PRRC2B: variants seen among roughly 807,000 people sequenced by gnomAD.
The protein encoded by PRRC2B is proline rich coiled-coil 2B, also known as protein PRRC2B.
A neutral mutation model predicts 242.3 loss-of-function variants in PRRC2B; 68 were observed. That is an observed-to-expected ratio of 0.28 (90% CI 0.23 to 0.34). PRRC2B has a LOEUF of 0.34. PRRC2B is among the 10% of genes least tolerant of loss of function. The pLI is 1.00. For synonymous variants in PRRC2B, 1,228 were observed against 1,173.6 expected (o/e 1.05, Z -0.95); for missense variants, 2,835 against 2,954.8 (o/e 0.96, Z 0.94).
At chr9:131,481,953 G>C in intron 20 of PRRC2B, 145 bp downstream of exon 20, 1 of 748,162 alleles carries the variant, frequency 1.3e-6, no homozygotes, top group African/African-American at 1.7e-5. Flanking sequence ...ATGGGGCCAA[G>C]CTCATCAGTG....
chr9:131,474,778 C>T lies in PRRC2B; in HGVS notation c.2649C>T (p.Ala883=). 1 of 1,612,746 alleles carries T rather than the reference C, an allele frequency of 6.2e-7. No individual in the cohort carries two copies. Among genetic ancestry groups the T allele is most frequent in the Non-Finnish European group, 8.5e-7 (1 of 1,179,704 alleles). The change falls in exon 16 of 32, where the codon GCC becomes GCT. Residue 883 remains alanine, a synonymous_variant. Coordinates refer to ENST00000683519, the MANE Select transcript of PRRC2B (RefSeq NM_013318.4). ...VSHQPETADT[A]HGVERETPRE... is the part of the protein sequence containing the mutation. Reference sequence around the variant, plus strand: ...ACCAGCCAGAGACCGCTGACACAGCCCATGGTGTTGAGCGGGAGACACCCC... The same window carrying T: ...ACCAGCCAGAGACCGCTGACACAGCTCATGGTGTTGAGCGGGAGACACCCC...
intron 1 of PRRC2B, among the ~76,000 whole-genome samples, chr9:131,414,135 CACTT>C (rs1837578936): frequency 2.0e-5 from 3 of 152,124 alleles, no homozygotes; most frequent in East Asian, 1.9e-4. Context: ...CATCAGTAGT[CACTT>C]AATTTATGAC....
intron 10 of PRRC2B, among the ~76,000 whole-genome samples, chr9:131,455,720 A>T (rs546129893): frequency 9.2e-5 from 14 of 151,696 alleles, no homozygotes; most frequent in Non-Finnish European, 2.1e-4. Flanking sequence ...TTGCCACGTT[A>T]CCCAGGTTTG....
chr9:131,496,481 C>G lies in PRRC2B; in HGVS notation c.*607C>G, dbSNP rs1944338747. 6.6e-6 allele frequency: 1 copy of G among 152,190 alleles called. No individual in the cohort carries two copies. The highest frequency in any genetic ancestry group is 6.5e-5 in the Admixed American group (1 of 15,280). The allele number at this position is 152,190 out of a possible 1,614,324, so 9.4% of individuals were successfully genotyped here. A position where few individuals can be genotyped will look rare whatever the true frequency, so the allele number is the denominator to read the frequency against. On this transcript the variant is annotated 3_prime_UTR_variant, in exon 32 of 32. Coordinates refer to ENST00000683519, the MANE Select transcript of PRRC2B (RefSeq NM_013318.4). ...AAGAGGTGACTCTTAAGAATGCATC[C>G]CCTCCTGATTCCTCAGCTGGTTCAC... is the stretch of plus-strand genomic sequence containing the variant.
intron 28 of PRRC2B, among the ~76,000 whole-genome samples, chr9:131,489,815 A>G (rs1944133664): frequency 6.6e-6 from 1 of 152,024 alleles, no homozygotes; most frequent in Non-Finnish European, 1.5e-5. Flanking sequence ...GTCAGTACAC[A>G]GACGAGCTGC....
In PRRC2B at chr9:131,432,804, G is replaced by A; in HGVS notation, c.293+10G>A. On this transcript the variant is annotated intron_variant, in intron 3 of 31. Transcript: ENST00000683519. The stretch of plus-strand genomic sequence containing the variant: ...AGCAAGACCCAAAGAGGTAAACGGA[G>A]GAGGCGGGTGGTGAGTGGGAGCTGG... The A allele has an allele frequency of 6.2e-7, 1 of 1,612,500 alleles. No homozygotes were observed. The highest frequency in any genetic ancestry group is 8.5e-7 in the Non-Finnish European group (1 of 1,179,096).
In PRRC2B at chr9:131,475,221, A is replaced by G; in HGVS notation, c.3092A>G (p.Glu1031Gly). ...EEEEKPDKAWEARPPRESSDV... is the reference protein window; with the variant it reads ...EEEEKPDKAWGARPPRESSDV... ...GAGGAGAAACCTGACAAGGCCTGGG[A>G]AGCCAGACCCCCACGAGAGTCCAGC... is the stretch of plus-strand genomic sequence containing the variant. The change falls in exon 16 of 32, where the codon GAA becomes GGA. Residue 1031 changes from glutamate (E) to glycine (G), a missense_variant. By Grantham distance (98) the Glu-to-Gly change is moderately conservative (BLOSUM62 -2). Around this residue, in one of 7 missense-constraint regions of PRRC2B, gnomAD observed 1,536 missense variants for 1,483.1 expected, o/e 1.04. Coordinates refer to ENST00000683519, the MANE Select transcript of PRRC2B (RefSeq NM_013318.4). 6.2e-7 allele frequency: 1 copy of G among 1,613,778 alleles called. No individual in the cohort carries two copies. The highest frequency in any genetic ancestry group is 1.1e-5 in the South Asian group (1 of 91,086).
chr9:131,459,970 C>CA (rs34696844), intron 11 of PRRC2B, among the ~76,000 whole-genome samples: 1,074 of 87,012 alleles, frequency 0.012, 18 homozygotes, highest in African/African-American at 0.034. Flanking sequence ...ACCCTATCTC[C>CA]AAAAAAAAAA....
intron 14 of PRRC2B, 73 bp from the exon 15 acceptor site, chr9:131,473,435 C>A: frequency 2.5e-6 from 3 of 1,177,864 alleles, no homozygotes; most frequent in Non-Finnish European, 3.6e-6. Flanking sequence ...CTTCTTTGGG[C>A]CTTTGGTTGA....
chr9:131,441,377 C>T (rs372664325), intron 5 of PRRC2B, among the ~76,000 whole-genome samples: 14 of 152,082 alleles, frequency 9.2e-5, no homozygotes, highest in African/African-American at 3.1e-4. Flanking sequence ...GTAACTGTAT[C>T]ACAATAAAGC....
In PRRC2B at chr9:131,476,212, C is replaced by T; in HGVS notation, c.4083C>T (p.Leu1361=). 1 of 1,613,558 alleles carries T rather than the reference C, an allele frequency of 6.2e-7. No individual in the cohort carries two copies. ...CTGTGGGCCGCAGGTCCCCTGAGCT[C>T]TCCTACCAGAACTCCTCCGATCACG... The part of the protein sequence containing the change: ...SGTVGRRSPE[L]SYQNSSDHAN... The change falls in exon 16 of 32, where the codon CTC becomes CTT. Residue 1361 remains leucine, a synonymous_variant. Coordinates refer to ENST00000683519, the MANE Select transcript of PRRC2B (RefSeq NM_013318.4).
At chr9:131,413,041 G>A (rs912589276) in intron 1 of PRRC2B, among the ~76,000 whole-genome samples, 3 of 152,136 alleles carry the variant, frequency 2.0e-5, no homozygotes, top group African/African-American at 7.2e-5. Flanking sequence ...AAAGACCTGT[G>A]CTAACATTCT....
intron 22 of PRRC2B, 21 bp from the exon 23 acceptor site, chr9:131,483,338 T>C: frequency 6.2e-7 from 1 of 1,610,488 alleles, no homozygotes; most frequent in Non-Finnish European, 8.5e-7. Context: ...GTGGGCTGTG[T>C]GGCCTTTTTT....
At chr9:131,376,866 G>C (rs984997716) in intron 1 of PRRC2B, among the ~76,000 whole-genome samples, 1 of 152,086 alleles carries the variant, frequency 6.6e-6, no homozygotes, top group African/African-American at 2.4e-5. Context: ...AATTAGCCAG[G>C]CATGGTGGTA....
At chr9:131,478,017 C>A in intron 17 of PRRC2B, 68 bp downstream of exon 17, 1 of 1,454,308 alleles carries the variant, frequency 6.9e-7, no homozygotes, top group Non-Finnish European at 9.6e-7. Flanking sequence ...GTCCTCGGGC[C>A]TCCCGAGTTT....
chr9:131,463,919 T>C (rs1219009082), intron 11 of PRRC2B, among the ~76,000 whole-genome samples: 3 of 149,666 alleles, frequency 2.0e-5, no homozygotes, highest in South Asian at 4.2e-4. Flanking sequence ...AGGCATGAGC[T>C]ACCGTGCCTT....
chr9:131,411,958 C>A (rs78005954), intron 1 of PRRC2B, among the ~76,000 whole-genome samples: 1,411 of 132,854 alleles, frequency 0.011, 31 homozygotes, highest in African/African-American at 0.036. Context: ...TGCCACCACA[C>A]CCAGCTAATT....
chr9:131,395,414 G>A (rs895596868), intron 1 of PRRC2B, among the ~76,000 whole-genome samples: 1 of 152,128 alleles, frequency 6.6e-6, no homozygotes, highest in Non-Finnish European at 1.5e-5. Context: ...TATGCACAGC[G>A]CTGTGGTGTA....
Position 131,482,975 on chromosome 9 carries a change from G to A in PRRC2B, c.5373+68G>A. Reference sequence around the variant, plus strand: ...TATTTTGGTACTTGGAGAGGCTGGGGGCTCAGATGGGATTGTCTCCTAGAA... The same window carrying A: ...TATTTTGGTACTTGGAGAGGCTGGGAGCTCAGATGGGATTGTCTCCTAGAA... On this transcript the variant is annotated intron_variant, in intron 22 of 31. Coordinates refer to ENST00000683519, the MANE Select transcript of PRRC2B (RefSeq NM_013318.4). This position sits in a 1 kb window ranked among gnomAD's most constrained non-coding sequence, Gnocchi z 5.2. The A allele has an allele frequency of 6.6e-7, 1 of 1,513,474 alleles. No individual in the cohort carries two copies. Among genetic ancestry groups the A allele is most frequent in the Non-Finnish European group, 9.0e-7 (1 of 1,114,620 alleles). 93.8% of individuals were successfully genotyped at this position (1,513,474 alleles called of 1,614,324 possible).
Sources: gnomAD v4.1 joint callset for allele counts (sites outside exome capture counted in the v4.1 genomes callset) on GRCh38, gnomAD v4.1.1 for gene constraint, gnomAD v4.1.1 regional missense constraint, Gnocchi (gnomAD v3.1) non-coding constraint, MANE v1.5 for transcripts, NCBI Gene and HGNC (gene_info 2026-07-23, HGNC 2026-07-21) for gene names.